The following GPC5 variants were observed in gnomAD, a reference collection of about 807,000 sequenced individuals.
GPC5 encodes the protein glypican-5.
Under a neutral mutation model 53.9 loss-of-function variants are expected in GPC5, and 47 were observed. The ratio of observed to expected loss-of-function variants is 0.87; its 90% CI spans 0.69 to 1.11. GPC5 has a LOEUF of 1.11. GPC5 is among the 50% of genes most tolerant of loss of function. The pLI is 0.00. For synonymous variants in GPC5, 286 were observed against 263.3 expected, an observed-to-expected ratio of 1.09 and a Z score of -0.84; for missense variants, 748 against 713.1, an observed-to-expected ratio of 1.05 and a Z score of -0.56.
At chr13:92,197,242 C>T (rs909348269) in intron 7 of GPC5, among the ~76,000 whole-genome samples, 2 of 152,046 alleles carry the variant, frequency 1.3e-5, no homozygotes, top group African/African-American at 4.8e-5. Context: ...AACCCCCAGA[C>T]CATAAATTTT....
In GPC5 at chr13:92,477,050, AAAATAAATAAATAAAT is replaced by A. The variant is rs139711160; in HGVS notation, c.1561+332077_1561+332092del. Among the ~76,000 whole-genome samples the A allele has an allele frequency of 4.2e-3, 622 of 149,580 alleles. 6 individuals are homozygous for A. Among genetic ancestry groups the A allele is most frequent in the African/African-American group, 0.014 (585 of 40,596 alleles). ...CCTAAAACTTAAAGTATAATAATAA[AAAATAAATAAATAAAT>A]AAATAAATAAATAAAAAGAAAATAA... On this transcript the variant is annotated intron_variant, in intron 7 of 7. Coordinates refer to ENST00000377067, the MANE Select transcript of GPC5 (RefSeq NM_004466.6).
At chr13:92,172,439 C>G (rs1208890232) in intron 7 of GPC5, among the ~76,000 whole-genome samples, 1 of 152,110 alleles carries the variant, frequency 6.6e-6, no homozygotes, top group Non-Finnish European at 1.5e-5. Flanking sequence ...GAAACATAAC[C>G]TTTTATATTG....
chr13:92,242,504 A>G (rs189255620), intron 7 of GPC5, among the ~76,000 whole-genome samples: 1 of 152,144 alleles, frequency 6.6e-6, no homozygotes, highest in East Asian at 1.9e-4. Context: ...TTCATTTTTT[A>G]ATCTCTTCAG....
At chr13:91,808,387 T>A (rs1267903102) in intron 5 of GPC5, among the ~76,000 whole-genome samples, 1 of 152,114 alleles carries the variant, frequency 6.6e-6, no homozygotes, top group Non-Finnish European at 1.5e-5. Context: ...TCTAACATAT[T>A]CCATCTGTTG....
At chr13:92,801,966 AT>A (rs1876922861) in intron 7 of GPC5, among the ~76,000 whole-genome samples, 2 of 151,810 alleles carry the variant, frequency 1.3e-5, no homozygotes, top group Admixed American at 1.3e-4. Context: ...AAGAAAAAAT[AT>A]TTTTATAAAT....
At chr13:92,288,547 G>C (rs2042972073) in intron 7 of GPC5, among the ~76,000 whole-genome samples, 1 of 152,254 alleles carries the variant, frequency 6.6e-6, no homozygotes, top group East Asian at 1.9e-4. Context: ...TGACTTGACA[G>C]AAAATTCCTA....
intron 1 of GPC5, among the ~76,000 whole-genome samples, chr13:91,414,983 A>G (rs945895666): frequency 6.6e-6 from 1 of 152,118 alleles, no homozygotes; most frequent in Non-Finnish European, 1.5e-5. Flanking sequence ...CATGTCTTGC[A>G]TTTACATTTC....
At chr13:92,672,208 C>T (rs1385454373) in intron 7 of GPC5, among the ~76,000 whole-genome samples, 1 of 152,054 alleles carries the variant, frequency 6.6e-6, no homozygotes, top group African/African-American at 2.4e-5. Flanking sequence ...ACAATCTTGC[C>T]CCAGAAAAGC....
At chr13:91,800,123 C>T (rs1331450769) in intron 5 of GPC5, among the ~76,000 whole-genome samples, 2 of 129,740 alleles carry the variant, frequency 1.5e-5, no homozygotes, top group Non-Finnish European at 3.2e-5. Flanking sequence ...ATTTTAAGCT[C>T]TGATTTATGA....
At chr13:92,421,398 T>C (rs1021583387) in intron 7 of GPC5, among the ~76,000 whole-genome samples, 2 of 152,168 alleles carry the variant, frequency 1.3e-5, no homozygotes, top group East Asian at 3.9e-4. Context: ...GACTGGGTAA[T>C]TTATAAAGAA....
intron 3 of GPC5, among the ~76,000 whole-genome samples, chr13:91,715,835 T>C (rs1260232081): frequency 6.6e-6 from 1 of 151,384 alleles, no homozygotes; most frequent in Non-Finnish European, 1.5e-5. Context: ...GTGCAGTGGC[T>C]TGAACAGGGC....
intron 7 of GPC5, among the ~76,000 whole-genome samples, chr13:92,174,924 A>G (rs2042098840): frequency 6.6e-6 from 1 of 152,204 alleles, no homozygotes; most frequent in African/African-American, 2.4e-5. Flanking sequence ...TTCTCAGCTC[A>G]TCGCAACCTC....
rs34336057 is a variant in GPC5 at position 92,632,463 on chromosome 13, CAT to C, written c.1562-233797_1562-233796del. On this transcript the variant is annotated intron_variant, in intron 7 of 7. Coordinates refer to ENST00000377067, the MANE Select transcript of GPC5 (RefSeq NM_004466.6). ...TTCTTTTGGAGGAGAAAATATTCCA[CAT>C]ATATATATATATATATATATACACA... Among the ~76,000 whole-genome samples the C allele has an allele frequency of 2.8e-3, 334 of 120,102 alleles. 1 individual carries two copies. Among genetic ancestry groups the C allele is most frequent in the Middle Eastern group, 5.0e-3 (1 of 200 alleles). The allele number at this position is 120,102 out of a possible 152,430, so 78.8% of individuals were successfully genotyped here. A position where few individuals can be genotyped will look rare whatever the true frequency, so the allele number is the denominator to read the frequency against.
At chr13:92,295,318 G>T (rs553307804) in intron 7 of GPC5, among the ~76,000 whole-genome samples, 1 of 152,244 alleles carries the variant, frequency 6.6e-6, no homozygotes, top group South Asian at 2.1e-4. Context: ...CTATGTATTT[G>T]CATGGTTTTG....
intron 7 of GPC5, among the ~76,000 whole-genome samples, chr13:92,343,373 T>G (rs2043383453): frequency 6.6e-6 from 1 of 152,218 alleles, no homozygotes. Context: ...GCTTTCAGTT[T>G]GATTTTGTAG....
intron 6 of GPC5, among the ~76,000 whole-genome samples, chr13:92,055,275 GA>G (rs1456496715): frequency 1.3e-5 from 2 of 152,124 alleles, no homozygotes; most frequent in East Asian, 3.9e-4. Flanking sequence ...ATGGAGTTCT[GA>G]ATTAAGTGAC....
intron 2 of GPC5, among the ~76,000 whole-genome samples, chr13:91,690,030 A>G (rs115016336): frequency 0.026 from 3,887 of 152,314 alleles, 76 homozygotes; most frequent in African/African-American, 0.045. Flanking sequence ...ATCACCACAA[A>G]CATGTAATAT....
At chr13:92,532,847 A>C (rs893014205) in intron 7 of GPC5, among the ~76,000 whole-genome samples, 4 of 152,170 alleles carry the variant, frequency 2.6e-5, no homozygotes, top group Non-Finnish European at 5.9e-5. Flanking sequence ...CATCTTTTGC[A>C]AAATGAAAGA....
rs567063556 is a variant in GPC5 at position 92,824,840 on chromosome 13, AAAAT to A, written c.1562-41434_1562-41431del. Among the ~76,000 whole-genome samples, 4 of 152,224 alleles carry A rather than the reference AAAAT, an allele frequency of 2.6e-5. No homozygotes were observed. The South Asian group carries it at 6.2e-4, about 24-fold the overall frequency. On this transcript the variant is annotated intron_variant, in intron 7 of 7. Coordinates refer to ENST00000377067, the MANE Select transcript of GPC5 (RefSeq NM_004466.6). ...CACAATTATATTTATCTGGAAGAAA[AAAAT>A]AAATAAAATTTTCATTAATAGTTCA...
Sources: allele counts gnomAD v4.1 joint callset (sites outside exome capture counted in the v4.1 genomes callset), GRCh38; gene constraint gnomAD v4.1.1; transcripts MANE v1.5; gene names NCBI Gene and HGNC (gene_info 2026-07-23, HGNC 2026-07-21).